The following LOXL1 variants were observed in gnomAD, a reference collection of about 807,000 sequenced individuals.
LOXL1 encodes lysyl oxidase homolog 1.
In LOXL1, 31 loss-of-function variants were observed where a neutral mutation model predicts 62.2. That is an observed-to-expected ratio of 0.50 (90% confidence interval 0.37 to 0.67). The LOEUF (loss-of-function observed/expected upper bound fraction) is 0.67. Among genes scored for constraint, LOXL1 ranks in the 30% least tolerant of loss-of-function variants. The pLI, the probability that LOXL1 is intolerant of heterozygous loss-of-function variation, is 0.00. For synonymous variants in LOXL1, 403 were observed against 384.4 expected, an observed-to-expected ratio of 1.05 and a Z score of -0.56; for missense variants, 775 against 843.4, an observed-to-expected ratio of 0.92 and a Z score of 1.00.
At chr15:73,948,766 T>G (rs2068764428) in intron 5 of LOXL1, among the ~76,000 whole-genome samples, 1 of 152,098 alleles carries the variant, frequency 6.6e-6, no homozygotes, top group South Asian at 2.1e-4. Flanking sequence ...ATCCACTCAA[T>G]CAACATGTAG....
In LOXL1 at chr15:73,927,809, G is replaced by C; in HGVS notation, c.1026G>C (p.Pro342=). ...LPVRSSDTPP[P]GGERNGAQQG... ...TGCGCAGCTCCGACACGCCCCCGCCGGGTGGGGAGCGGAACGGCGCGCAGC... is the reference window on the plus strand; with the variant it reads ...TGCGCAGCTCCGACACGCCCCCGCCCGGTGGGGAGCGGAACGGCGCGCAGC... The change falls in exon 1 of 7, where the codon CCG becomes CCC. Residue 342 remains proline, a synonymous_variant. Transcript: ENST00000261921. 4 of 1,370,592 alleles carry C rather than the reference G, an allele frequency of 2.9e-6. No homozygotes were observed. The highest frequency in any genetic ancestry group is 3.7e-6 in the Non-Finnish European group (4 of 1,070,768). The allele number at this position is 1,370,592 out of a possible 1,614,324, so 84.9% of individuals were successfully genotyped here. A position where few individuals can be genotyped will look rare whatever the true frequency, so the allele number is the denominator to read the frequency against.
At chr15:73,948,496 C>T (rs1020966394) in intron 5 of LOXL1, among the ~76,000 whole-genome samples, 7 of 152,156 alleles carry the variant, frequency 4.6e-5, no homozygotes, top group Non-Finnish European at 1.0e-4. Context: ...GTCTCAGCCT[C>T]CTCCACACAG....
intron 6 of LOXL1, among the ~76,000 whole-genome samples, 178 bp downstream of exon 6, chr15:73,949,752 G>C (rs558771824): frequency 2.0e-5 from 3 of 152,128 alleles, no homozygotes; most frequent in African/African-American, 2.4e-5. Context: ...GAGTGTTTAC[G>C]GTGGGGCTCA....
At chr15:73,934,128 TC>T (rs2068654102) in intron 1 of LOXL1, among the ~76,000 whole-genome samples, 1 of 152,084 alleles carries the variant, frequency 6.6e-6, no homozygotes, top group African/African-American at 2.4e-5. Context: ...AACCCATCCT[TC>T]CCCCTGCTTG....
At chr15:73,936,911 A>G (rs1359626020) in intron 1 of LOXL1, among the ~76,000 whole-genome samples, 1 of 152,228 alleles carries the variant, frequency 6.6e-6, no homozygotes, top group Non-Finnish European at 1.5e-5. Flanking sequence ...AATGAACTGA[A>G]CAGCTCCTAA....
chr15:73,939,718 C>T (rs1447112433), intron 1 of LOXL1, among the ~76,000 whole-genome samples: 1 of 152,152 alleles, frequency 6.6e-6, no homozygotes, highest in Non-Finnish European at 1.5e-5. Flanking sequence ...TCAAACTGTA[C>T]ACCTAAAATC....
intron 1 of LOXL1, among the ~76,000 whole-genome samples, chr15:73,935,439 T>G (rs2068663872): frequency 6.6e-6 from 1 of 152,132 alleles, no homozygotes; most frequent in South Asian, 2.1e-4. Flanking sequence ...GGGAAGGCTG[T>G]GGGCAGCGTA....
In LOXL1 at chr15:73,947,292, G is replaced by A. The variant is rs766176542; in HGVS notation, c.1506+69G>A. ...GTTGGGGAGGCAAAGAGCGAGGCCCGCTGAGGCCCGGCAAGTGCCAAGGCT... is the reference window on the plus strand; with the variant it reads ...GTTGGGGAGGCAAAGAGCGAGGCCCACTGAGGCCCGGCAAGTGCCAAGGCT... On this transcript the variant is annotated intron_variant, in intron 4 of 6. Transcript: ENST00000261921. The A allele has an allele frequency of 3.0e-5, 45 of 1,509,790 alleles. No homozygotes were observed. In the Admixed American group the frequency reaches 3.1e-4, roughly 10 times the overall value. The allele number at this position is 1,509,790 out of a possible 1,614,324, so 93.5% of individuals were successfully genotyped here. A position where few individuals can be genotyped will look rare whatever the true frequency, so the allele number is the denominator to read the frequency against.
intron 1 of LOXL1, among the ~76,000 whole-genome samples, chr15:73,931,726 A>T (rs1426066195): frequency 6.6e-6 from 1 of 152,090 alleles, no homozygotes; most frequent in African/African-American, 2.4e-5. Context: ...CCCCTAGCTC[A>T]CCTGGGCCTG....
chr15:73,946,065 G>A (rs1482293652), intron 2 of LOXL1, among the ~76,000 whole-genome samples: 1 of 152,170 alleles, frequency 6.6e-6, no homozygotes, highest in African/African-American at 2.4e-5. Context: ...TGGCCCTTCA[G>A]AGATTGCTAT....
At chr15:73,949,369 G>A in intron 5 of LOXL1, 90 bp from the exon 6 acceptor site, 1 of 781,750 alleles carries the variant, frequency 1.3e-6, no homozygotes, top group Non-Finnish European at 2.3e-6. Context: ...CTGTCTGTCT[G>A]TCTGCCTCTT....
In LOXL1 at chr15:73,927,482, C is replaced by G; in HGVS notation, c.699C>G (p.Arg233=). 2 of 1,459,964 alleles carry G rather than the reference C, an allele frequency of 1.4e-6. No individual in the cohort carries two copies. The highest frequency in any genetic ancestry group is 1.8e-6 in the Non-Finnish European group (2 of 1,110,596). 90.4% of individuals were successfully genotyped at this position (1,459,964 alleles called of 1,614,324 possible). A position where few individuals can be genotyped will look rare whatever the true frequency, so the allele number is the denominator to read the frequency against. The change falls in exon 1 of 7, where the codon CGC becomes CGG. Residue 233 remains arginine (R), a synonymous_variant. Transcript: ENST00000261921. The stretch of plus-strand genomic sequence containing the variant: ...TCTACCCCTACCAGCCCCGGGCGCG[C>G]TACGAGGAGTACGGCGGCGGCGAAG... ...GVIYPYQPRA[R]YEEYGGGEEL... is the part of the protein sequence containing the mutation.
At chr15:73,949,632 C>A (rs2068770669) in intron 6 of LOXL1, 58 bp downstream of exon 6, 5 of 1,201,162 alleles carry the variant, frequency 4.2e-6, no homozygotes, top group Non-Finnish European at 6.2e-6. Flanking sequence ...GGGGAGCAGG[C>A]AAGGCCACCT....
chr15:73,941,049 A>C (rs2068710346), intron 1 of LOXL1, among the ~76,000 whole-genome samples: 1 of 152,078 alleles, frequency 6.6e-6, no homozygotes, highest in Non-Finnish European at 1.5e-5. Context: ...CAGCTGAGGG[A>C]AAGGCACTGG....
At chr15:73,948,999 G>A (rs1380839457) in intron 5 of LOXL1, among the ~76,000 whole-genome samples, 2 of 152,194 alleles carry the variant, frequency 1.3e-5, no homozygotes, top group South Asian at 2.1e-4. Context: ...TCATACTTGG[G>A]CCATCATCTC....
At chr15:73,946,240 G>A in intron 2 of LOXL1, 177 bp from the exon 3 acceptor site, 1 of 589,146 alleles carries the variant, frequency 1.7e-6, no homozygotes, top group Non-Finnish European at 3.0e-6. Flanking sequence ...AGAAGACAGA[G>A]GAAGAGGCCT....
chr15:73,936,183 G>T (rs2068671024), intron 1 of LOXL1, among the ~76,000 whole-genome samples: 1 of 152,116 alleles, frequency 6.6e-6, no homozygotes, highest in African/African-American at 2.4e-5. Flanking sequence ...GGGAGCCATT[G>T]AAGACCCTGG....
chr15:73,940,796 G>A (rs1212708238), intron 1 of LOXL1, among the ~76,000 whole-genome samples: 1 of 152,210 alleles, frequency 6.6e-6, no homozygotes, highest in Admixed American at 6.5e-5. Flanking sequence ...GGCTGGGAGA[G>A]GCCAGGAACA....
rs911624647 is a variant in LOXL1, at chr15:73,952,088, A to G, written c.*251A>G. The G allele has an allele frequency of 2.6e-6, 1 of 390,022 alleles. No homozygotes were observed. The highest frequency in any genetic ancestry group is 2.1e-5 in the African/African-American group (1 of 48,416). The allele number at this position is 390,022 out of a possible 1,614,324, so 24.2% of individuals were successfully genotyped here. ...TTATTTTTTATACTTTGGCCATACC[A>G]CAGAGCTAGATTGCCCAGGTCTGGG... On this transcript the variant is annotated 3_prime_UTR_variant, in exon 7 of 7. Coordinates refer to ENST00000261921, the MANE Select transcript of LOXL1 (RefSeq NM_005576.4).
Sources: allele counts gnomAD v4.1 joint callset (sites outside exome capture counted in the v4.1 genomes callset), GRCh38; gene constraint gnomAD v4.1.1; transcripts MANE v1.5; gene names NCBI Gene and HGNC (gene_info 2026-07-23, HGNC 2026-07-21).